The following PRKD1 variants were observed in gnomAD, a reference collection of about 807,000 sequenced individuals.
PRKD1 encodes the protein protein kinase D1, also known as serine/threonine-protein kinase D1.
A neutral mutation model predicts 95.9 loss-of-function variants in PRKD1; 63 were observed. The ratio of observed to expected loss-of-function variants is 0.66; its 90% CI spans 0.54 to 0.81. The LOEUF (loss-of-function observed/expected upper bound fraction) is 0.81, where lower values mean the gene tolerates loss of function less well. Among genes scored for constraint, PRKD1 ranks in the 30% least tolerant of loss-of-function variants. The probability of loss-of-function intolerance (pLI) is 0.00; values close to 1 mark genes in which losing one functional copy is unlikely to be tolerated. For synonymous variants in PRKD1, 425 were observed against 423.1 expected, an observed-to-expected ratio of 1.00 and a Z score of -0.05; for missense variants, 1,048 against 1,165.3, an observed-to-expected ratio of 0.90 and a Z score of 1.47.
intron 1 of PRKD1, 44 bp from the exon 2 acceptor site, chr14:29,725,718 C>A: frequency 6.3e-7 from 1 of 1,581,910 alleles, no homozygotes; most frequent in Non-Finnish European, 8.6e-7. Flanking sequence ...CAAAATCCTT[C>A]CAAATATTTT....
At chr14:29,686,533 T>C (rs1883880620) in intron 2 of PRKD1, among the ~76,000 whole-genome samples, 1 of 152,186 alleles carries the variant, frequency 6.6e-6, no homozygotes. Context: ...CTTCTGGAGG[T>C]TCAGCCTCAG....
At chr14:29,603,671 C>T (rs1030557747) in intron 13 of PRKD1, among the ~76,000 whole-genome samples, 6 of 152,014 alleles carry the variant, frequency 3.9e-5, no homozygotes, top group Admixed American at 3.9e-4. Flanking sequence ...TAAACCATTT[C>T]CTCCTAATGT....
At chr14:29,808,342 T>G (rs1890328178) in intron 1 of PRKD1, among the ~76,000 whole-genome samples, 1 of 148,134 alleles carries the variant, frequency 6.8e-6, no homozygotes, top group African/African-American at 2.5e-5. Context: ...ATCATTAGAT[T>G]GCAGCAATTC....
chr14:29,878,668 T>G (rs1298120874), intron 1 of PRKD1, among the ~76,000 whole-genome samples: 1 of 152,144 alleles, frequency 6.6e-6, no homozygotes, highest in Admixed American at 6.5e-5. Flanking sequence ...AGAATGAACA[T>G]TGTATGATTC....
chr14:29,916,930 A>T (rs1218269810), intron 1 of PRKD1, among the ~76,000 whole-genome samples: 2 of 151,614 alleles, frequency 1.3e-5, no homozygotes, highest in African/African-American at 4.9e-5. Context: ...ATCTCCTAAC[A>T]CTCTGAAAAG....
chr14:29,687,856 C>T (rs1399159957), intron 2 of PRKD1, among the ~76,000 whole-genome samples: 1 of 152,160 alleles, frequency 6.6e-6, no homozygotes, highest in Non-Finnish European at 1.5e-5. Flanking sequence ...TAAGCATGTC[C>T]ATTTGTCTGT....
chr14:29,789,585 T>C (rs61979965), intron 1 of PRKD1, among the ~76,000 whole-genome samples: 4,401 of 152,274 alleles, frequency 0.029, 112 homozygotes, highest in Non-Finnish European at 0.048. Context: ...CAGGCTGGTA[T>C]CCAGGCACCT....
At chr14:29,634,583 T>C (rs375050147) in intron 7 of PRKD1, 42 bp from the exon 8 acceptor site, 76 of 1,611,172 alleles carry the variant, frequency 4.7e-5, no homozygotes, top group South Asian at 2.3e-4. Context: ...TGTTTTCAGG[T>C]ACATTTTATG....
intron 1 of PRKD1, among the ~76,000 whole-genome samples, chr14:29,869,728 A>G (rs1893037480): frequency 6.6e-6 from 1 of 152,154 alleles, no homozygotes; most frequent in South Asian, 2.1e-4. Context: ...TAATCTCATT[A>G]TATTTATTCT....
chr14:29,761,947 T>G (rs1036215830), intron 1 of PRKD1, among the ~76,000 whole-genome samples: 2 of 151,918 alleles, frequency 1.3e-5, no homozygotes, highest in African/African-American at 4.8e-5. Flanking sequence ...CTATTCTTTA[T>G]TTTTCGTAGA....
rs1055550496 is a variant in PRKD1 at position 29,778,352 on chromosome 14, G to A, written c.265-52678C>T. On this transcript the variant is annotated intron_variant, in intron 1 of 17. Coordinates refer to ENST00000331968, the MANE Select transcript of PRKD1 (RefSeq NM_002742.3). ...AAAAAATCAATGAATCCAGGAGCTGGTTTTTTGAAAAGATCAAAAAAAATT... is the reference window on the plus strand; with the variant it reads ...AAAAAATCAATGAATCCAGGAGCTGATTTTTTGAAAAGATCAAAAAAAATT... Among the ~76,000 whole-genome samples, 10 of 152,016 alleles carry A rather than the reference G, an allele frequency of 6.6e-5. 1 individual carries two copies. The highest frequency in any genetic ancestry group is 5.2e-4 in the Admixed American group (8 of 15,264).
chr14:29,658,322 T>G (rs552542407), intron 4 of PRKD1, among the ~76,000 whole-genome samples: 62 of 152,274 alleles, frequency 4.1e-4, no homozygotes, highest in African/African-American at 1.3e-3. Context: ...CACACAATAT[T>G]AATGCGTTTT....
At chr14:29,725,446 T>C in intron 2 of PRKD1, 90 bp downstream of exon 2, 1 of 1,472,076 alleles carries the variant, frequency 6.8e-7, no homozygotes, top group Non-Finnish European at 9.3e-7. Flanking sequence ...TGAGATATGC[T>C]TTTTATGTTT....
intron 1 of PRKD1, among the ~76,000 whole-genome samples, chr14:29,729,110 T>C (rs1886312589): frequency 6.6e-6 from 1 of 152,158 alleles, no homozygotes; most frequent in African/African-American, 2.4e-5. Context: ...TTTTCTCCTA[T>C]ATTTTATTCT....
chr14:29,630,535 C>T, intron 10 of PRKD1: 2 of 601,060 alleles, frequency 3.3e-6, no homozygotes, highest in South Asian at 4.7e-5. Context: ...TATAAAATAG[C>T]TATAATAAAA....
Position 29,679,617 on chromosome 14 carries a change from A to G in PRKD1, c.404-13409T>C, listed in dbSNP as rs544298921. On this transcript the variant is annotated intron_variant, in intron 2 of 17. Transcript: ENST00000331968. ...CAGGTCAAGTAAACTATAACACAAT[A>G]TAAGTGAACACGGATTTGGAGACTG... Among the ~76,000 whole-genome samples, 3 of 152,324 alleles carry G rather than the reference A, an allele frequency of 2.0e-5. No homozygotes were observed. In the South Asian group the frequency reaches 6.2e-4, roughly 32 times the overall value.
intron 2 of PRKD1, among the ~76,000 whole-genome samples, chr14:29,699,747 C>G (rs1240109096): frequency 6.6e-6 from 1 of 152,096 alleles, no homozygotes; most frequent in East Asian, 1.9e-4. Context: ...AAATAGATAT[C>G]CAATTGTTCC....
At chr14:29,909,348 G>A (rs1053241437) in intron 1 of PRKD1, among the ~76,000 whole-genome samples, 2 of 76,076 alleles carry the variant, frequency 2.6e-5, no homozygotes, top group South Asian at 4.8e-4. Flanking sequence ...TGCCATCCCC[G>A]CTCCATGGCG....
At chr14:29,780,103 G>T (rs1888975340) in intron 1 of PRKD1, among the ~76,000 whole-genome samples, 1 of 152,148 alleles carries the variant, frequency 6.6e-6, no homozygotes, top group East Asian at 1.9e-4. Flanking sequence ...AGCTGAAACT[G>T]GATCCCTTCC....
Sources: allele counts gnomAD v4.1 joint callset (sites outside exome capture counted in the v4.1 genomes callset), GRCh38; gene constraint gnomAD v4.1.1; transcripts MANE v1.5; gene names NCBI Gene and HGNC (gene_info 2026-07-23, HGNC 2026-07-21).